Variants in SOX5 observed in about 807,000 individuals in gnomAD.
SOX5 encodes the protein transcription factor SOX-5.
Under a neutral mutation model 92.0 loss-of-function variants are expected in SOX5, and 9 were observed. That is an observed-to-expected ratio of 0.10 (90% CI 0.06 to 0.17). The LOEUF is 0.17. Ranked by LOEUF, SOX5 falls within the 10% of genes least tolerant of loss-of-function variation. The pLI, the probability that SOX5 is intolerant of heterozygous loss-of-function variation, is 1.00. For synonymous variants in SOX5, 344 were observed against 336.3 expected, an observed-to-expected ratio of 1.02 and a Z score of -0.25; for missense variants, 642 against 944.5, an observed-to-expected ratio of 0.68 and a Z score of 4.20.
chr12:24,490,589 GA>G (rs376331581), intron 1 of SOX5, among the ~76,000 whole-genome samples: 17 of 148,108 alleles, frequency 1.1e-4, no homozygotes, highest in African/African-American at 3.0e-4. Flanking sequence ...GAAAATTCAG[GA>G]AAAAAAAAAT....
chr12:24,154,310 A>C (rs1249917763), intron 4 of SOX5, among the ~76,000 whole-genome samples: 1 of 152,194 alleles, frequency 6.6e-6, no homozygotes, highest in Non-Finnish European at 1.5e-5. Flanking sequence ...GGTATAAGGC[A>C]TTCTCAGCCC....
intron 4 of SOX5, among the ~76,000 whole-genome samples, chr12:24,094,797 A>G (rs1192456035): frequency 6.6e-6 from 1 of 151,928 alleles, no homozygotes; most frequent in Non-Finnish European, 1.5e-5. Flanking sequence ...GAATTTAACT[A>G]TTTCTGGACT....
chr12:23,568,693 C>T (rs999843195), intron 10 of SOX5, among the ~76,000 whole-genome samples: 2 of 152,086 alleles, frequency 1.3e-5, no homozygotes, highest in African/African-American at 4.8e-5. Flanking sequence ...CCTTTACCCT[C>T]TAAAGATACA....
At chr12:24,291,926 G>C (rs1466243077) in intron 2 of SOX5, among the ~76,000 whole-genome samples, 4 of 152,198 alleles carry the variant, frequency 2.6e-5, no homozygotes, top group Non-Finnish European at 5.9e-5. Context: ...TCTCTGCTCT[G>C]TAGCTGCATT....
intron 2 of SOX5, among the ~76,000 whole-genome samples, chr12:24,297,634 T>G (rs894609976): frequency 6.6e-6 from 1 of 152,262 alleles, no homozygotes; most frequent in Non-Finnish European, 1.5e-5. Context: ...GATTGTCTTT[T>G]GTATTCTCAC....
chr12:23,888,098 C>G (rs373767823), intron 2 of SOX5, among the ~76,000 whole-genome samples: 1 of 152,066 alleles, frequency 6.6e-6, no homozygotes, highest in South Asian at 2.1e-4. Context: ...TGATTTTGTG[C>G]TTCTCTTACC....
At chr12:24,086,150 T>C (rs941569294) in intron 4 of SOX5, among the ~76,000 whole-genome samples, 4 of 151,992 alleles carry the variant, frequency 2.6e-5, no homozygotes, top group Admixed American at 6.6e-5. Context: ...AGTGGAAGCA[T>C]TGGCAAACAC....
chr12:23,767,272 T>A (rs1383108558), intron 3 of SOX5, among the ~76,000 whole-genome samples: 1 of 151,700 alleles, frequency 6.6e-6, no homozygotes, highest in African/African-American at 2.4e-5. Flanking sequence ...CAACATAATG[T>A]ACTATACACA....
rs139323766 is a variant in SOX5 at position 24,112,521 on chromosome 12, CTTTTTT to C, written c.-2+100816_-2+100821del. On this transcript the variant is annotated intron_variant, in intron 4 of 4. Transcript: ENST00000446891. ...GGGATACAGAACAACTTCAAGGTTCCTTTTTTTTTTTTTTTTTTTTTTTTTTTGAGG... is the reference window on the plus strand; with the variant it reads ...GGGATACAGAACAACTTCAAGGTTCCTTTTTTTTTTTTTTTTTTTTTGAGG... Among the ~76,000 whole-genome samples the C allele has an allele frequency of 4.9e-4, 37 of 75,688 alleles. No homozygotes were observed. In the East Asian group the frequency reaches 5.9e-3, roughly 12 times the overall value. The allele number at this position is 75,688 out of a possible 152,430, so 49.7% of individuals were successfully genotyped here.
chr12:23,953,365 A>C (rs1945900691), upstream of SOX5, among the ~76,000 whole-genome samples: 1 of 152,106 alleles, frequency 6.6e-6, no homozygotes, highest in African/African-American at 2.4e-5. Context: ...CGCATCTATT[A>C]AACCCAAATT....
intron 4 of SOX5, among the ~76,000 whole-genome samples, chr12:24,133,859 T>C (rs1455997813): frequency 6.6e-6 from 1 of 152,142 alleles, no homozygotes; most frequent in Non-Finnish European, 1.5e-5. Flanking sequence ...GATATAATGA[T>C]TAGAATCACA....
intron 2 of SOX5, among the ~76,000 whole-genome samples, chr12:23,892,010 G>A (rs1028662188): frequency 1.1e-4 from 16 of 151,704 alleles, no homozygotes; most frequent in South Asian, 2.1e-4. Context: ...GTCAATAATC[G>A]TAAGTTGAAT....
chr12:24,230,610 G>A (rs73058458), intron 3 of SOX5: 4,245 of 152,276 alleles, frequency 0.028, 81 homozygotes, highest in Middle Eastern at 0.068. Flanking sequence ...AGGAGAGAGA[G>A]AAGAGGTTGG....
At chr12:24,230,992 C>T (rs533621857) in intron 3 of SOX5, among the ~76,000 whole-genome samples, 7 of 152,278 alleles carry the variant, frequency 4.6e-5, no homozygotes, top group Middle Eastern at 3.4e-3. Flanking sequence ...CCTCATTTTG[C>T]ATTCCCCGTT....
chr12:24,295,491 TG>T (rs1194026126), intron 2 of SOX5, among the ~76,000 whole-genome samples: 9 of 152,218 alleles, frequency 5.9e-5, no homozygotes, highest in Non-Finnish European at 1.3e-4. Flanking sequence ...ATAAACTTCT[TG>T]CTCTGAATTA....
chr12:24,262,800 C>G (rs897874566), intron 3 of SOX5, among the ~76,000 whole-genome samples: 1 of 152,196 alleles, frequency 6.6e-6, no homozygotes, highest in Non-Finnish European at 1.5e-5. Context: ...GCCTCCTTTT[C>G]CATCCAACTC....
At chr12:23,786,764 C>T (rs1275173523) in intron 3 of SOX5, among the ~76,000 whole-genome samples, 1 of 145,812 alleles carries the variant, frequency 6.9e-6, no homozygotes, top group Non-Finnish European at 1.5e-5. Flanking sequence ...TAATATTTGC[C>T]TGACCCATTC....
At chr12:24,373,330 C>T (rs940586627) in intron 1 of SOX5, among the ~76,000 whole-genome samples, 3 of 152,154 alleles carry the variant, frequency 2.0e-5, no homozygotes, top group Admixed American at 6.5e-5. Context: ...CTAATCTTAT[C>T]GTGTTGTGTC....
At chr12:23,823,491 G>T (rs996570864) in intron 3 of SOX5, among the ~76,000 whole-genome samples, 10 of 152,160 alleles carry the variant, frequency 6.6e-5, no homozygotes, top group Admixed American at 2.0e-4. Flanking sequence ...TATGCTATTA[G>T]TCTGATGGGC....
Sources: gnomAD v4.1 joint callset for allele counts (sites outside exome capture counted in the v4.1 genomes callset) on GRCh38, gnomAD v4.1.1 for gene constraint, MANE v1.5 for transcripts, NCBI Gene and HGNC (gene_info 2026-07-23, HGNC 2026-07-21) for gene names.